The following SBF2 variants were observed in gnomAD, a reference collection of about 807,000 sequenced individuals.
SBF2 encodes SET binding factor 2.
Under a neutral mutation model 225.2 loss-of-function variants are expected in SBF2, and 112 were observed. The observed-to-expected ratio is 0.50, with a 90% CI of 0.43 to 0.58. The LOEUF (loss-of-function observed/expected upper bound fraction) is 0.58. Ranked by LOEUF, SBF2 falls within the 20% of genes least tolerant of loss-of-function variation. SBF2 has a pLI of 0.00. For synonymous variants in SBF2, 763 were observed against 773.3 expected (o/e 0.99, Z 0.22); for missense variants, 1,996 against 2,206.2 (o/e 0.90, Z 1.91).
intron 13 of SBF2, among the ~76,000 whole-genome samples, chr11:9,987,464 G>T (rs2134453121): frequency 6.6e-6 from 1 of 152,240 alleles, no homozygotes; most frequent in Middle Eastern, 3.4e-3. Flanking sequence ...AATCGGTAAA[G>T]AGGAAGTAAA....
chr11:9,788,840 T>G (rs1265013898), intron 35 of SBF2, among the ~76,000 whole-genome samples: 1 of 151,596 alleles, frequency 6.6e-6, no homozygotes. Context: ...CTCCTGACCT[T>G]GTGATCTGCC....
chr11:10,247,640 A>G (rs1251263612), intron 1 of SBF2, among the ~76,000 whole-genome samples: 8 of 152,162 alleles, frequency 5.3e-5, no homozygotes, highest in African/African-American at 1.9e-4. Flanking sequence ...GATTGCAGTG[A>G]GCCAAGATCG....
intron 16 of SBF2, among the ~76,000 whole-genome samples, chr11:9,919,788 G>T (rs1590448323): frequency 1.3e-5 from 2 of 151,914 alleles, no homozygotes; most frequent in South Asian, 2.1e-4. Context: ...ATGAGGGGTG[G>T]TCTCCTCCCT....
intron 6 of SBF2, among the ~76,000 whole-genome samples, chr11:10,006,555 G>A (rs73408802): frequency 0.014 from 2,203 of 152,268 alleles, 37 homozygotes; most frequent in African/African-American, 0.037. Context: ...GGGAGGAGGG[G>A]AAATTCTTCC....
In SBF2 at chr11:9,917,778, G is replaced by A. The variant is rs905175343; in HGVS notation, c.1861-21767C>T. ...ATAAAGCACCACTGGAATCTGTATC[G>A]CCAGCCTAGACCACCCTCCTCAGCT... On this transcript the variant is annotated intron_variant, in intron 16 of 39. Coordinates refer to ENST00000256190, the MANE Select transcript of SBF2 (RefSeq NM_030962.4). Among the ~76,000 whole-genome samples, 23 of 150,550 alleles carry A rather than the reference G, an allele frequency of 1.5e-4. 1 individual carries two copies. Among genetic ancestry groups the A allele is most frequent in the African/African-American group, 4.9e-4 (20 of 40,490 alleles).
At chr11:9,943,981 G>A (rs1865427783) in intron 16 of SBF2, among the ~76,000 whole-genome samples, 1 of 152,074 alleles carries the variant, frequency 6.6e-6, no homozygotes, top group Non-Finnish European at 1.5e-5. Context: ...CATTGCCAGG[G>A]CAATGAAATA....
rs187947424 is a variant in SBF2 at position 9,885,775 on chromosome 11, T to C, written c.1929+10168A>G. Among the ~76,000 whole-genome samples, 376 of 152,308 alleles carry C rather than the reference T, an allele frequency of 2.5e-3. 2 individuals are homozygous for C. Among genetic ancestry groups the C allele is most frequent in the Non-Finnish European group, 4.0e-3 (274 of 68,032 alleles). On this transcript the variant is annotated intron_variant, in intron 17 of 39. Transcript: ENST00000256190. The stretch of plus-strand genomic sequence containing the variant: ...TAAAAATTTTATTTTTAAATGTGTA[T>C]GTCAGGAATTATTTGATGGTCCTGG...
chr11:9,865,580 A>G (rs1202261669), intron 17 of SBF2, among the ~76,000 whole-genome samples: 1 of 149,260 alleles, frequency 6.7e-6, no homozygotes, highest in Non-Finnish European at 1.5e-5. Flanking sequence ...ATCCCCAGCT[A>G]CTTGGGAGGC....
At chr11:10,143,289 G>A (rs570550334) in intron 2 of SBF2, among the ~76,000 whole-genome samples, 6 of 151,798 alleles carry the variant, frequency 4.0e-5, no homozygotes, top group Admixed American at 2.6e-4. Context: ...CTCTTACCTC[G>A]GCCTCCCAAA....
intron 1 of SBF2, among the ~76,000 whole-genome samples, chr11:10,200,318 G>A (rs1362544909): frequency 6.6e-6 from 1 of 152,162 alleles, no homozygotes; most frequent in Non-Finnish European, 1.5e-5. Context: ...ATATATACCA[G>A]TATGAGTAGG....
intron 39 of SBF2, chr11:9,780,969 G>A (rs111989179): frequency 2.4e-5 from 7 of 294,228 alleles, no homozygotes; most frequent in Admixed American, 4.7e-5. Flanking sequence ...TCAGGAAAAC[G>A]GTCTCATGGC....
chr11:10,246,780 AAGAAATAACACTGG>A (rs1372556703), intron 1 of SBF2, among the ~76,000 whole-genome samples: 3 of 152,234 alleles, frequency 2.0e-5, no homozygotes, highest in African/African-American at 7.2e-5. Context: ...ACATTTAAGA[AAGAAATAACACTGG>A]CCTTGCATGG....
intron 2 of SBF2, among the ~76,000 whole-genome samples, chr11:10,087,202 C>T (rs1458982545): frequency 6.6e-6 from 1 of 152,036 alleles, no homozygotes; most frequent in Non-Finnish European, 1.5e-5. Flanking sequence ...TCTGTGATGG[C>T]TAATTTTGAT....
In SBF2 at chr11:9,998,348, C is replaced by T. The variant is rs1456142910; in HGVS notation, c.893G>A (p.Gly298Asp). The T allele has an allele frequency of 1.2e-6, 2 of 1,604,506 alleles. No homozygotes were observed. The highest frequency in any genetic ancestry group is 1.7e-6 in the Non-Finnish European group (2 of 1,172,074). The change falls in exon 9 of 40, where the codon GGC (glycine) becomes GAC (aspartate). Residue 298 changes from glycine (G) to aspartate (D), a missense_variant. By Grantham distance (94) the Gly-to-Asp change is moderately conservative (BLOSUM62 -1). Coordinates refer to ENST00000256190, the MANE Select transcript of SBF2 (RefSeq NM_030962.4). ...LDVIIADLDG[G>D]TIKIPECIHL... Reference sequence around the variant, plus strand: ...AATACATTCGGGAATTTTAATAGTGCCTCCATCCAAATCTGCTATGATTAC... The same window carrying T: ...AATACATTCGGGAATTTTAATAGTGTCTCCATCCAAATCTGCTATGATTAC...
At chr11:9,988,991 G>A (rs909309034) in intron 13 of SBF2, among the ~76,000 whole-genome samples, 4 of 151,570 alleles carry the variant, frequency 2.6e-5, no homozygotes, top group East Asian at 1.9e-4. Context: ...GCAAAATCAC[G>A]GAAGTAACCC....
intron 6 of SBF2, among the ~76,000 whole-genome samples, chr11:10,014,617 A>C (rs1948585109): frequency 6.6e-6 from 1 of 151,938 alleles, no homozygotes; most frequent in Non-Finnish European, 1.5e-5. Flanking sequence ...TAAGTTACTA[A>C]AGTAACTTAG....
intron 16 of SBF2, chr11:9,929,156 A>C (rs1403479914): frequency 4.3e-6 from 1 of 233,942 alleles, no homozygotes; most frequent in Non-Finnish European, 8.3e-6. Flanking sequence ...CTACACGAGA[A>C]GGTGCCGAAG....
chr11:10,190,171 G>C (rs1160191508), intron 2 of SBF2, among the ~76,000 whole-genome samples: 1 of 151,022 alleles, frequency 6.6e-6, no homozygotes, highest in East Asian at 1.9e-4. Context: ...AAAAACAGGA[G>C]CTAAGGTCAA....
At chr11:9,828,091 C>T (rs1032288260) in intron 28 of SBF2, 9 of 1,182,188 alleles carry the variant, frequency 7.6e-6, no homozygotes, top group African/African-American at 6.3e-5. Flanking sequence ...TTTAAGCTTG[C>T]ATCAGTGCTC....
Sources: gnomAD v4.1 joint callset for allele counts (sites outside exome capture counted in the v4.1 genomes callset) on GRCh38, gnomAD v4.1.1 for gene constraint, MANE v1.5 for transcripts, NCBI Gene and HGNC (gene_info 2026-07-23, HGNC 2026-07-21) for gene names.